PDGFD: variants seen among roughly 807,000 people sequenced by gnomAD.
The protein encoded by PDGFD is platelet derived growth factor D, also known as platelet-derived growth factor D.
A neutral mutation model predicts 44.7 loss-of-function variants in PDGFD; 30 were observed. The observed-to-expected ratio is 0.67, with a 90% CI of 0.50 to 0.91. The LOEUF is 0.91. Ranked by LOEUF, PDGFD falls within the 40% of genes least tolerant of loss-of-function variation. The pLI, the probability that PDGFD is intolerant of heterozygous loss-of-function variation, is 0.00. For synonymous variants in PDGFD, 173 were observed against 168.4 expected (o/e 1.03, Z -0.21); for missense variants, 445 against 457.8 (o/e 0.97, Z 0.25).
chr11:103,963,528 T>C (rs1000195244), intron 3 of PDGFD, among the ~76,000 whole-genome samples: 11 of 152,132 alleles, frequency 7.2e-5, no homozygotes, highest in African/African-American at 2.4e-4. Flanking sequence ...CGTACAAAAG[T>C]AGTTCCTCAT....
chr11:104,125,789 G>A (rs1197222973), intron 1 of PDGFD, among the ~76,000 whole-genome samples: 3 of 152,060 alleles, frequency 2.0e-5, no homozygotes, highest in African/African-American at 7.2e-5. Context: ...AATTTTATTA[G>A]CAAATGCACG....
intron 3 of PDGFD, among the ~76,000 whole-genome samples, chr11:103,993,885 A>G (rs1239674134): frequency 6.6e-6 from 1 of 152,196 alleles, no homozygotes; most frequent in African/African-American, 2.4e-5. Flanking sequence ...AGACCAACAG[A>G]CCAGTAGAAA....
At chr11:103,952,815 G>A (rs1206851078) in intron 3 of PDGFD, among the ~76,000 whole-genome samples, 1 of 152,006 alleles carries the variant, frequency 6.6e-6, no homozygotes, top group Non-Finnish European at 1.5e-5. Flanking sequence ...CATTAAAATA[G>A]TTCATAATTA....
Position 104,064,986 on chromosome 11 carries a change from A to G in PDGFD, c.125-64731T>C, listed in dbSNP as rs537468022. On this transcript the variant is annotated intron_variant, in intron 1 of 6. Coordinates refer to ENST00000393158, the MANE Select transcript of PDGFD (RefSeq NM_025208.5). ...AACATTTGAGTCAGTGGACTGGGAA[A>G]GGCAGACCCACCCTCAATCTGGGTA... is the stretch of plus-strand genomic sequence containing the variant. Among the ~76,000 whole-genome samples, 19 of 152,278 alleles carry G rather than the reference A, an allele frequency of 1.2e-4. 1 individual carries two copies. The highest frequency in any genetic ancestry group is 4.3e-4 in the African/African-American group (18 of 41,558).
At chr11:104,049,525 A>AT (rs200714611) in intron 1 of PDGFD, among the ~76,000 whole-genome samples, 63 of 151,338 alleles carry the variant, frequency 4.2e-4, no homozygotes, top group African/African-American at 1.2e-3. Context: ...AAGACATTTG[A>AT]TTTTTTTTTA....
chr11:103,976,286 T>C (rs1176247825), intron 3 of PDGFD, among the ~76,000 whole-genome samples: 1 of 152,136 alleles, frequency 6.6e-6, no homozygotes, highest in African/African-American at 2.4e-5. Flanking sequence ...TTTTTTCTCT[T>C]TGTAGCGATT....
chr11:103,929,972 T>G (rs1353417284), intron 5 of PDGFD, among the ~76,000 whole-genome samples: 1 of 152,108 alleles, frequency 6.6e-6, no homozygotes, highest in South Asian at 2.1e-4. Context: ...TCTCCATAGC[T>G]GAACATTCAG....
intron 1 of PDGFD, among the ~76,000 whole-genome samples, chr11:104,119,886 G>C: frequency 1.2e-5 from 1 of 81,426 alleles, no homozygotes; most frequent in Non-Finnish European, 2.4e-5. Flanking sequence ...TTATTATATA[G>C]TACATAATTA....
chr11:103,970,226 C>A (rs1859083558), intron 3 of PDGFD, among the ~76,000 whole-genome samples: 1 of 151,976 alleles, frequency 6.6e-6, no homozygotes, highest in South Asian at 2.1e-4. Flanking sequence ...GAAAAAAATT[C>A]TCTAAATATC....
At chr11:104,014,940 G>C (rs1453128422) in intron 1 of PDGFD, among the ~76,000 whole-genome samples, 6 of 152,164 alleles carry the variant, frequency 3.9e-5, no homozygotes, top group Non-Finnish European at 7.3e-5. Context: ...TTGGGAATTA[G>C]GAGCTGCATT....
intron 5 of PDGFD, among the ~76,000 whole-genome samples, chr11:103,942,789 C>T (rs904918661): frequency 6.6e-6 from 1 of 152,132 alleles, no homozygotes; most frequent in African/African-American, 2.4e-5. Context: ...ATTACACAAG[C>T]ACTGTTCTTG....
chr11:104,021,955 C>A (rs1404563087), intron 1 of PDGFD, among the ~76,000 whole-genome samples: 1 of 152,100 alleles, frequency 6.6e-6, no homozygotes, highest in Admixed American at 6.6e-5. Flanking sequence ...ATTAATTTCA[C>A]AAGTACTAAG....
chr11:104,144,565 CTG>C (rs941132154), intron 1 of PDGFD, among the ~76,000 whole-genome samples: 3 of 140,466 alleles, frequency 2.1e-5, no homozygotes, highest in African/African-American at 8.5e-5. Flanking sequence ...AAAGGCCAAA[CTG>C]AACACAACTT....
At chr11:103,986,494 T>C (rs968687454) in intron 3 of PDGFD, among the ~76,000 whole-genome samples, 6 of 152,186 alleles carry the variant, frequency 3.9e-5, no homozygotes, top group African/African-American at 1.4e-4. Flanking sequence ...CCCACAGATA[T>C]GGAGACATCA....
Position 103,907,514 on chromosome 11 carries a change from A to C in PDGFD, c.*2180T>G, listed in dbSNP as rs1016189701. 6.6e-6 allele frequency: 1 copy of C among 152,182 alleles called. No individual in the cohort carries two copies. The highest frequency in any genetic ancestry group is 6.5e-5 in the Admixed American group (1 of 15,284). The allele number at this position is 152,182 out of a possible 1,614,324, so 9.4% of individuals were successfully genotyped here. A position where few individuals can be genotyped will look rare whatever the true frequency, so the allele number is the denominator to read the frequency against. On this transcript the variant is annotated 3_prime_UTR_variant, in exon 7 of 7. Transcript: ENST00000393158. Reference sequence around the variant, plus strand: ...AAAAGATAACAGGTAACCAAGGGAGAAGTTTTAATAAAACTCTCAGGAAAG... The same window carrying C: ...AAAAGATAACAGGTAACCAAGGGAGCAGTTTTAATAAAACTCTCAGGAAAG...
intron 6 of PDGFD, among the ~76,000 whole-genome samples, chr11:103,926,256 T>A (rs1293536554): frequency 2.6e-5 from 4 of 152,202 alleles, no homozygotes; most frequent in Admixed American, 2.0e-4. Context: ...AGCTAATGAT[T>A]ACTTACAATA....
rs115811805 is a variant in PDGFD at position 104,018,559 on chromosome 11, T to C, written c.125-18304A>G. On this transcript the variant is annotated intron_variant, in intron 1 of 6. Transcript: ENST00000393158. ...GTGATCTTGTTAGATTGCTTCTGTA[T>C]AGGAAGATGTCTTTTGGGGAATCTG... Among the ~76,000 whole-genome samples the C allele has an allele frequency of 6.3e-3, 956 of 152,318 alleles. 15 individuals are homozygous for C. Among genetic ancestry groups the C allele is most frequent in the African/African-American group, 0.022 (899 of 41,576 alleles).
intron 5 of PDGFD, among the ~76,000 whole-genome samples, chr11:103,935,536 T>C (rs1252519532): frequency 6.6e-6 from 1 of 152,110 alleles, no homozygotes; most frequent in Non-Finnish European, 1.5e-5. Flanking sequence ...ATAAATAGTA[T>C]CAGAAAAGTT....
chr11:104,106,199 G>C (rs1346486779), intron 1 of PDGFD, among the ~76,000 whole-genome samples: 1 of 152,110 alleles, frequency 6.6e-6, no homozygotes, highest in Non-Finnish European at 1.5e-5. Flanking sequence ...CTCCACGCAC[G>C]ATAGTTGTAA....
Sources: allele counts gnomAD v4.1 joint callset (sites outside exome capture counted in the v4.1 genomes callset), GRCh38; gene constraint gnomAD v4.1.1; transcripts MANE v1.5; gene names NCBI Gene and HGNC (gene_info 2026-07-23, HGNC 2026-07-21).